The following SIPA1L1 variants were observed in gnomAD, a reference collection of about 807,000 sequenced individuals.
SIPA1L1 encodes signal induced proliferation associated 1 like 1.
A neutral mutation model predicts 162.7 loss-of-function variants in SIPA1L1; 26 were observed. The observed-to-expected ratio is 0.16, with a 90% confidence interval of 0.12 to 0.22. The LOEUF (loss-of-function observed/expected upper bound fraction) is 0.22, where lower values mean the gene tolerates loss of function less well. SIPA1L1 is among the 10% of genes least tolerant of loss of function. The pLI is 1.00. For missense variants in SIPA1L1, 1,874 were observed against 2,241.0 expected (o/e 0.84, Z 3.31); for synonymous variants, 829 against 837.4 (o/e 0.99, Z 0.17).
chr14:71,367,667 C>T (rs1432157196), intron 2 of SIPA1L1, among the ~76,000 whole-genome samples: 3 of 141,828 alleles, frequency 2.1e-5, no homozygotes, highest in South Asian at 2.2e-4. Context: ...AGTGCAATGG[C>T]GCCATCTTGG....
intron 10 of SIPA1L1, among the ~76,000 whole-genome samples, chr14:71,666,865 C>T (rs894729580): frequency 1.5e-4 from 20 of 130,152 alleles, no homozygotes; most frequent in Admixed American, 2.5e-4. Context: ...TCTTTCCTCT[C>T]TGTAAAAAAA....
intron 2 of SIPA1L1, among the ~76,000 whole-genome samples, chr14:71,461,824 G>A (rs932238409): frequency 6.6e-6 from 1 of 152,164 alleles, no homozygotes; most frequent in African/African-American, 2.4e-5. Context: ...CTTTTGGGTG[G>A]TGCCTGCATA....
At chr14:71,705,389 C>T in intron 16 of SIPA1L1, 49 bp downstream of exon 16, 1 of 1,263,386 alleles carries the variant, frequency 7.9e-7, no homozygotes, top group South Asian at 1.2e-5. Flanking sequence ...AGCAGTGTAC[C>T]TTCCTTGCAC....
chr14:71,516,678 C>G (rs1467705150), intron 3 of SIPA1L1, among the ~76,000 whole-genome samples: 2 of 151,732 alleles, frequency 1.3e-5, no homozygotes, highest in South Asian at 4.2e-4. Context: ...TTTAAAAATG[C>G]CTTTTTTTTT....
At position 71,615,193 on chromosome 14, in the gene SIPA1L1, T is replaced by A. The variant is rs77140659; in HGVS notation, c.1499-3564T>A. On this transcript the variant is annotated intron_variant, in intron 5 of 23. Transcript: ENST00000381232. Reference sequence around the variant, plus strand: ...TATGGAAAGAATGTTCTCAGCAGATTTTTTTCAGATGATAAAAGACTGTGA... The same window carrying A: ...TATGGAAAGAATGTTCTCAGCAGATATTTTTCAGATGATAAAAGACTGTGA... 4.3e-4 allele frequency among the ~76,000 whole-genome samples: 66 copies of A among 152,294 alleles called. 1 individual carries two copies. The East Asian group carries it at 0.013, about 29-fold the overall frequency.
rs1382747197 is a variant in SIPA1L1 at position 71,709,294 on chromosome 14, G to A, written c.3838G>A (p.Glu1280Lys). 1 of 1,614,214 alleles carries A rather than the reference G, an allele frequency of 6.2e-7. No individual in the cohort carries two copies. The highest frequency in any genetic ancestry group is 1.7e-5 in the Admixed American group (1 of 60,030). The part of the protein sequence containing the change: ...SSNASSAHSD[E>K]KWYDGDRTES... ...CAATGCGTCAAGTGCCCATAGTGATGAGAAGTGGTACGATGGGGACCGCAC... is the reference window on the plus strand; with the variant it reads ...CAATGCGTCAAGTGCCCATAGTGATAAGAAGTGGTACGATGGGGACCGCAC... Residue 1280 changes from glutamate to lysine, a missense_variant, in exon 17 of 24, where the codon GAG becomes AAG. Coordinates refer to ENST00000381232, the MANE Select transcript of SIPA1L1 (RefSeq NM_001386936.1).
intron 2 of SIPA1L1, among the ~76,000 whole-genome samples, chr14:71,482,536 C>T (rs2048429186): frequency 6.6e-6 from 1 of 152,152 alleles, no homozygotes; most frequent in South Asian, 2.1e-4. Flanking sequence ...CCACTCTTTC[C>T]CTGAGTACAT....
chr14:71,573,972 C>T (rs1193313369), intron 4 of SIPA1L1: 3 of 288,718 alleles, frequency 1.0e-5, no homozygotes, highest in African/African-American at 6.6e-5. Flanking sequence ...GCAGTGATGC[C>T]AGAAAGTTTC....
intron 4 of SIPA1L1, among the ~76,000 whole-genome samples, chr14:71,554,525 A>G (rs765748961): frequency 6.6e-6 from 1 of 152,200 alleles, no homozygotes; most frequent in African/African-American, 2.4e-5. Flanking sequence ...GAAACCGAAG[A>G]TGTTCTCAGC....
intron 4 of SIPA1L1, among the ~76,000 whole-genome samples, chr14:71,580,716 A>G (rs1294369341): frequency 6.6e-6 from 1 of 152,082 alleles, no homozygotes; most frequent in African/African-American, 2.4e-5. Flanking sequence ...GAATGGCTGG[A>G]GGTTTAACAA....
At chr14:71,701,148 A>G (rs2082073378) in intron 14 of SIPA1L1, among the ~76,000 whole-genome samples, 1 of 152,156 alleles carries the variant, frequency 6.6e-6, no homozygotes, top group African/African-American at 2.4e-5. Flanking sequence ...AATTGAGGCA[A>G]AAATTCAGTG....
rs568030890 is a variant in SIPA1L1, at chr14:71,548,833, G to A, written c.-303+19463G>A. Among the ~76,000 whole-genome samples the A allele has an allele frequency of 6.3e-4, 94 of 150,044 alleles. 2 individuals carry two copies. The South Asian group carries it at 0.02, about 31-fold the overall frequency. ...GAATCCCTTGAACCTGAGAGGCAGA[G>A]GTTGCAATGAGCTGGGATGGCTCCA... On this transcript the variant is annotated intron_variant, in intron 4 of 23. Transcript: ENST00000381232.
At chr14:71,621,610 T>C (rs2148548283) in intron 6 of SIPA1L1, among the ~76,000 whole-genome samples, 1 of 152,330 alleles carries the variant, frequency 6.6e-6, no homozygotes, top group Middle Eastern at 3.4e-3. Flanking sequence ...CAGTGCTTTA[T>C]TTTTCATTAA....
chr14:71,681,123 G>A (rs575153993), intron 12 of SIPA1L1, among the ~76,000 whole-genome samples: 3 of 152,302 alleles, frequency 2.0e-5, no homozygotes, highest in East Asian at 1.9e-4. Flanking sequence ...AAGAGTGAAC[G>A]GAACCAGCTA....
At chr14:71,599,954 G>C (rs1454152179) in intron 5 of SIPA1L1, among the ~76,000 whole-genome samples, 1 of 151,946 alleles carries the variant, frequency 6.6e-6, no homozygotes, top group Non-Finnish European at 1.5e-5. Context: ...GTTTTAATAG[G>C]ATTATTTGTT....
At chr14:71,694,464 CT>C (rs2081478847) in intron 13 of SIPA1L1, among the ~76,000 whole-genome samples, 1 of 151,864 alleles carries the variant, frequency 6.6e-6, no homozygotes. Context: ...ATGATCATGA[CT>C]TTTTCAATTG....
At chr14:71,447,795 C>T (rs2045523974) in intron 2 of SIPA1L1, among the ~76,000 whole-genome samples, 1 of 152,056 alleles carries the variant, frequency 6.6e-6, no homozygotes, top group South Asian at 2.1e-4. Context: ...TCTCGAACTC[C>T]TGAGCTCTGG....
At chr14:71,513,538 T>C (rs907683599) in intron 3 of SIPA1L1, among the ~76,000 whole-genome samples, 2 of 152,174 alleles carry the variant, frequency 1.3e-5, no homozygotes, top group African/African-American at 4.8e-5. Flanking sequence ...CTTAGGTTTG[T>C]GTGCAGTGGT....
chr14:71,601,214 G>A (rs554714347), intron 5 of SIPA1L1, among the ~76,000 whole-genome samples: 1 of 152,224 alleles, frequency 6.6e-6, no homozygotes, highest in East Asian at 1.9e-4. Context: ...CATTCATTGT[G>A]ATGTTAGCTG....
Sources: gnomAD v4.1 joint callset for allele counts (sites outside exome capture counted in the v4.1 genomes callset) on GRCh38, gnomAD v4.1.1 for gene constraint, MANE v1.5 for transcripts, NCBI Gene and HGNC (gene_info 2026-07-23, HGNC 2026-07-21) for gene names.